SEC31B: variants seen among roughly 807,000 people sequenced by gnomAD.
The protein encoded by SEC31B is protein transport protein Sec31B.
Under a neutral mutation model 135.0 loss-of-function variants are expected in SEC31B, and 113 were observed. That is an observed-to-expected ratio of 0.84 (90% CI 0.72 to 0.98). SEC31B has a LOEUF of 0.98. Among genes scored for constraint, SEC31B ranks in the 50% least tolerant of loss-of-function variants. The pLI is 0.00. For synonymous variants in SEC31B, 508 were observed against 549.4 expected (o/e 0.92, Z 1.05); for missense variants, 1,296 against 1,421.1 (o/e 0.91, Z 1.42).
At chr10:100,515,064 G>C (rs1401760826) in intron 3 of SEC31B, among the ~76,000 whole-genome samples, 3 of 151,864 alleles carry the variant, frequency 2.0e-5, no homozygotes, top group Non-Finnish European at 4.4e-5. Context: ...GGCCAAGGGG[G>C]CTGATCGCTT....
intron 9 of SEC31B, 30 bp downstream of exon 9, chr10:100,506,010 C>T: frequency 6.2e-7 from 1 of 1,612,236 alleles, no homozygotes; most frequent in Non-Finnish European, 8.5e-7. Flanking sequence ...AGCCCCTTCC[C>T]TCCAGCATTC....
rs182698779 is a variant in SEC31B, at chr10:100,514,380, T to C, written c.203+1716A>G. Among the ~76,000 whole-genome samples, 479 of 152,250 alleles carry C rather than the reference T, an allele frequency of 3.1e-3. 9 individuals carry two copies. The highest frequency in any genetic ancestry group is 0.029 in the Admixed American group (449 of 15,290). On this transcript the variant is annotated intron_variant, in intron 3 of 25. Transcript: ENST00000370345. ...CCCTTTTTTCTTTTCCTATTAGCTT[T>C]CTCAGGTTGAACCCCTTTTTTAAGC... is the stretch of plus-strand genomic sequence containing the variant.
intron 3 of SEC31B, among the ~76,000 whole-genome samples, chr10:100,511,997 T>C (rs1005487731): frequency 6.6e-6 from 1 of 152,256 alleles, no homozygotes; most frequent in Non-Finnish European, 1.5e-5. Context: ...AACTCAGGTC[T>C]ATCCAACAAC....
At chr10:100,498,479 GA>G in intron 14 of SEC31B, 5 of 602,078 alleles carry the variant, frequency 8.3e-6, no homozygotes, top group Middle Eastern at 4.5e-4. Flanking sequence ...CTTTCAGCAA[GA>G]AGGATAGAAG....
Position 100,495,530 on chromosome 10 carries a change from A to G in SEC31B, c.2327T>C (p.Leu776Pro). ...RDCAQPPVQQ[L>P]RDRLFHAQGS... is the part of the protein sequence containing the mutation. Reference sequence around the variant, plus strand: ...TTGAGCATGAAAAAGCCGATCTCTTAGCTGCTGAACTGGTGGCTATAAGTT... The same window carrying G: ...TTGAGCATGAAAAAGCCGATCTCTTGGCTGCTGAACTGGTGGCTATAAGTT... The change falls in exon 19 of 26, where the codon CTA (leucine) becomes CCA (proline). Residue 776 changes from leucine to proline, a missense_variant. Coordinates refer to ENST00000370345, the MANE Select transcript of SEC31B (RefSeq NM_015490.4). 6.2e-7 allele frequency: 1 copy of G among 1,613,622 alleles called. No homozygotes were observed. Among genetic ancestry groups the G allele is most frequent in the Non-Finnish European group, 8.5e-7 (1 of 1,179,890 alleles).
intron 19 of SEC31B, among the ~76,000 whole-genome samples, chr10:100,493,751 G>A (rs1851349719): frequency 6.6e-6 from 1 of 152,160 alleles, no homozygotes; most frequent in Non-Finnish European, 1.5e-5. Context: ...CTAACAATAT[G>A]TAAAACTGGT....
rs1217972612 is a variant in SEC31B, at chr10:100,496,335, T to A, written c.2233A>T (p.Thr745Ser). ...SPGPATTYRVTQYANLLAAQG... is the reference protein window; with the variant it reads ...SPGPATTYRVSQYANLLAAQG... Reference sequence around the variant, plus strand: ...GCTGCCAGGAGGTTGGCATACTGAGTGACCCTGTAGGTTGTGGCAGGGCCT... The same window carrying A: ...GCTGCCAGGAGGTTGGCATACTGAGAGACCCTGTAGGTTGTGGCAGGGCCT... Residue 745 changes from threonine (T) to serine (S), a missense_variant, in exon 18 of 26, where the codon ACT (threonine) becomes TCT (serine). Coordinates refer to ENST00000370345, the MANE Select transcript of SEC31B (RefSeq NM_015490.4). The A allele has an allele frequency of 6.2e-7, 1 of 1,614,074 alleles. No homozygotes were observed. The highest frequency in any genetic ancestry group is 8.5e-7 in the Non-Finnish European group (1 of 1,180,040).
Position 100,491,538 on chromosome 10 carries a change from T to C in SEC31B, c.2473-655A>G, listed in dbSNP as rs115302813. 2.0e-3 allele frequency among the ~76,000 whole-genome samples: 300 copies of C among 152,322 alleles called. 1 individual carries two copies. The highest frequency in any genetic ancestry group is 6.8e-3 in the African/African-American group (282 of 41,572). ...CAAATAATGTATATAAAAAATAATA[T>C]TCCACAAGAAAGTGGGATTGATTCC... is the stretch of plus-strand genomic sequence containing the variant. On this transcript the variant is annotated intron_variant, in intron 19 of 25. Transcript: ENST00000370345.
At chr10:100,491,214 A>G (rs971245676) in intron 19 of SEC31B, among the ~76,000 whole-genome samples, 1 of 152,218 alleles carries the variant, frequency 6.6e-6, no homozygotes, top group Non-Finnish European at 1.5e-5. Flanking sequence ...CTCAGTCACA[A>G]TGAAAGAAGA....
chr10:100,505,278 G>T, intron 10 of SEC31B, 83 bp downstream of exon 10: 3 of 1,534,554 alleles, frequency 2.0e-6, no homozygotes, highest in Admixed American at 1.9e-5. Context: ...GCTCCATGCT[G>T]GGCACATGGT....
Position 100,487,462 on chromosome 10 carries a change from A to C in SEC31B, c.*154T>G. The C allele has an allele frequency of 1.4e-6, 1 of 697,314 alleles. No individual in the cohort carries two copies. The highest frequency in any genetic ancestry group is 2.4e-6 in the Non-Finnish European group (1 of 421,490). 43.2% of individuals were successfully genotyped at this position (697,314 alleles called of 1,614,324 possible). A position where few individuals can be genotyped will look rare whatever the true frequency, so the allele number is the denominator to read the frequency against. On this transcript the variant is annotated 3_prime_UTR_variant, in exon 26 of 26. Coordinates refer to ENST00000370345, the MANE Select transcript of SEC31B (RefSeq NM_015490.4). ...ATAAAGGAGTAAAAAGCAGGCACTC[A>C]GCTGGTTTGGAGCCAAGCCTACAGC... is the stretch of plus-strand genomic sequence containing the variant.
chr10:100,503,141 T>C (rs1851554051), intron 10 of SEC31B, among the ~76,000 whole-genome samples: 1 of 152,176 alleles, frequency 6.6e-6, no homozygotes, highest in Non-Finnish European at 1.5e-5. Context: ...ATCCCTAAAA[T>C]GCCTGGTGTG....
In SEC31B at chr10:100,499,525, T is replaced by G; in HGVS notation, c.1484A>C (p.Lys495Thr). ...TTTCTGATGTGAAAAGCAGCTTACC[T>G]TCTTCTGAAGCTCATCTTTACTGTA... Reference protein sequence around the residue: ...LGYSKDELQKKVATWLKSDVG... With the variant: ...LGYSKDELQKTVATWLKSDVG... The change falls in exon 12 of 26, where the codon AAG (lysine) becomes ACG (threonine). Residue 495 changes from lysine to threonine, a missense_variant and splice_region_variant. Coordinates refer to ENST00000370345, the MANE Select transcript of SEC31B (RefSeq NM_015490.4). 1.2e-6 allele frequency: 2 copies of G among 1,606,332 alleles called. No individual in the cohort carries two copies. The highest frequency in any genetic ancestry group is 1.7e-6 in the Non-Finnish European group (2 of 1,176,648).
chr10:100,516,144 T>C lies in SEC31B; in HGVS notation c.155A>G (p.Asp52Gly), dbSNP rs748940785. 2.5e-6 allele frequency: 4 copies of C among 1,613,996 alleles called. No homozygotes were observed. The highest frequency in any genetic ancestry group is 1.7e-4 in the Middle Eastern group (1 of 6,060). Residue 52 changes from aspartate (D) to glycine (G), a missense_variant, in exon 3 of 26, where the codon GAC becomes GGC. Transcript: ENST00000370345. ...TCTGTGTTTCAAGTCCAGAGAAGGG[T>C]CCCTGAAATCAACCTCAAATATTTC... The part of the protein sequence containing the change: ...TLEIFEVDFR[D>G]PSLDLKHRGV...
At chr10:100,515,970 T>C (rs3750629) in intron 3 of SEC31B, 126 bp downstream of exon 3, 259,596 of 1,202,826 alleles carry the variant, frequency 0.22, 28,750 homozygotes, top group African/African-American at 0.24. Flanking sequence ...GAATTAACTT[T>C]TCTCCAACTT....
At position 100,519,847 on chromosome 10, in the gene SEC31B, C is replaced by T. The variant is rs1227448775; in HGVS notation, c.-111G>A. 1.3e-5 allele frequency: 2 copies of T among 152,264 alleles called. No homozygotes were observed. The highest frequency in any genetic ancestry group is 1.9e-4 in the East Asian group (1 of 5,190). 9.4% of individuals were successfully genotyped at this position (152,264 alleles called of 1,614,324 possible). A position where few individuals can be genotyped will look rare whatever the true frequency, so the allele number is the denominator to read the frequency against. ...GGAGCCGCTCCTCTGGCAGGGCTCT[C>T]GCGCGGAGCCGGGCGCTGTGGACGG... On this transcript the variant is annotated 5_prime_UTR_variant, in exon 1 of 26. Transcript: ENST00000370345.
chr10:100,508,747 T>G (rs1363094454), intron 5 of SEC31B: 1 of 532,956 alleles, frequency 1.9e-6, no homozygotes, highest in Non-Finnish European at 3.4e-6. Context: ...TGGTGTCTTT[T>G]GCTCTCCCCA....
At chr10:100,505,248 T>A in intron 10 of SEC31B, 113 bp downstream of exon 10, 1 of 1,350,824 alleles carries the variant, frequency 7.4e-7, no homozygotes, top group Admixed American at 2.1e-5. Context: ...GCAGTGGGAA[T>A]ACGTCTGCTA....
At chr10:100,492,175 A>C (rs989243121) in intron 19 of SEC31B, among the ~76,000 whole-genome samples, 1 of 152,204 alleles carries the variant, frequency 6.6e-6, no homozygotes, top group African/African-American at 2.4e-5. Flanking sequence ...TGAAATATTG[A>C]ATGTTTTTCC....
Sources: allele counts gnomAD v4.1 joint callset (sites outside exome capture counted in the v4.1 genomes callset), GRCh38; gene constraint gnomAD v4.1.1; transcripts MANE v1.5; gene names NCBI Gene and HGNC (gene_info 2026-07-23, HGNC 2026-07-21).